Variants in OVCH2 observed in about 807,000 individuals in gnomAD.
OVCH2 encodes the protein ovochymase-2.
Under a neutral mutation model 73.7 loss-of-function variants are expected in OVCH2, and 88 were observed. The ratio of observed to expected loss-of-function variants is 1.19; its 90% CI spans 1.01 to 1.43. The LOEUF is 1.43. OVCH2 is among the 40% of genes most tolerant of loss of function. OVCH2 has a pLI of 0.00. For missense variants in OVCH2, 706 were observed against 674.5 expected, an observed-to-expected ratio of 1.05 and a Z score of -0.52; for synonymous variants, 265 against 234.5, an observed-to-expected ratio of 1.13 and a Z score of -1.19.
At chr11:7,685,262 G>A (rs140373282), downstream of OVCH2, among the ~76,000 whole-genome samples, 3 of 152,248 alleles carry the variant, frequency 2.0e-5, no homozygotes, top group Non-Finnish European at 2.9e-5. Context: ...AAACCACACC[G>A]CCTATGGGAG....
At chr11:7,692,959 C>CT (rs1289124840) in intron 12 of OVCH2, among the ~76,000 whole-genome samples, 1 of 152,142 alleles carries the variant, frequency 6.6e-6, no homozygotes. Context: ...TAGGCATTTA[C>CT]TTTTTTTCTT....
intron 10 of OVCH2, among the ~76,000 whole-genome samples, chr11:7,696,101 C>T (rs905927122): frequency 1.3e-5 from 2 of 152,166 alleles, no homozygotes; most frequent in Non-Finnish European, 2.9e-5. Flanking sequence ...TTTGTATTTT[C>T]CTTCTTAGCT....
At chr11:7,702,949 T>C (rs1856471392) in intron 3 of OVCH2, among the ~76,000 whole-genome samples, 2 of 152,196 alleles carry the variant, frequency 1.3e-5, no homozygotes, top group Admixed American at 6.5e-5. Flanking sequence ...CTTGGCCAAA[T>C]TAGGTACCTA....
chr11:7,700,436 G>C lies in OVCH2; in HGVS notation c.761C>G (p.Thr254Ser), dbSNP rs765298685. Residue 254 changes from threonine to serine, a missense_variant, in exon 7 of 16, where the codon ACT becomes AGT. Coordinates refer to ENST00000533663, the MANE Select transcript of OVCH2 (RefSeq NM_198185.7). ...ACCCCAGGAAGTCACACCAGCCAGA[G>C]TCCAGGCCCCTTTCTTATTCCGGCA... Reference protein sequence around the residue: ...LMCRNKKGAWTLAGVTSWGLG... With the variant: ...LMCRNKKGAWSLAGVTSWGLG... The C allele has an allele frequency of 1.9e-6, 3 of 1,611,722 alleles. No individual in the cohort carries two copies. The highest frequency in any genetic ancestry group is 1.7e-6 in the Non-Finnish European group (2 of 1,178,996).
chr11:7,701,905 A>T, intron 4 of OVCH2, 94 bp from the exon 5 acceptor site: 1 of 1,089,294 alleles, frequency 9.2e-7, no homozygotes, highest in South Asian at 1.4e-5. Context: ...TCCCCTAAAG[A>T]CCTCATGAGA....
rs377334567 is a variant in OVCH2 at position 7,700,269 on chromosome 11, C to G, written c.901+27G>C. The G allele has an allele frequency of 3.4e-5, 55 of 1,609,516 alleles. No individual in the cohort carries two copies. In the East Asian group the frequency reaches 8.0e-4, roughly 24 times the overall value. ...TCTGGCCCTAGCAGAATGGCAGCTT[C>G]TTAACCTTGTGTGATGGCTTAGTTA... On this transcript the variant is annotated intron_variant, in intron 7 of 15. Transcript: ENST00000533663.
At chr11:7,693,796 G>C (rs11041536) in intron 12 of OVCH2, among the ~76,000 whole-genome samples, 40,932 of 151,948 alleles carry the variant, frequency 0.27, 5,731 homozygotes, top group Middle Eastern at 0.36. Flanking sequence ...CTGACTTCAC[G>C]TGATATTTCA....
At chr11:7,685,912 C>G (rs563397775), downstream of OVCH2, among the ~76,000 whole-genome samples, 3 of 152,232 alleles carry the variant, frequency 2.0e-5, no homozygotes, top group African/African-American at 4.8e-5. Context: ...AGGTATCTTG[C>G]TGGATTCTAG....
At chr11:7,684,072 C>T in the OVCH2 span, among the ~76,000 whole-genome samples, 1 of 151,102 alleles carries the variant, frequency 6.6e-6, no homozygotes, top group Non-Finnish European at 1.5e-5. Flanking sequence ...TATCTGCTTC[C>T]CCATCCCCAC....
chr11:7,686,634 A>T (rs1856144387), downstream of OVCH2, among the ~76,000 whole-genome samples: 1 of 152,224 alleles, frequency 6.6e-6, no homozygotes, highest in Non-Finnish European at 1.5e-5. Flanking sequence ...ATCCCAATCT[A>T]TAAAGAATCT....
the OVCH2 span, among the ~76,000 whole-genome samples, chr11:7,683,933 A>G: frequency 5.3e-5 from 8 of 151,746 alleles, no homozygotes; most frequent in African/African-American, 1.7e-4. Context: ...TACCCTGCTC[A>G]CCAGCATTCA....
chr11:7,684,417 T>C, the OVCH2 span, among the ~76,000 whole-genome samples: 6 of 151,698 alleles, frequency 4.0e-5, no homozygotes, highest in East Asian at 9.7e-4. Context: ...ACCTGGACCC[T>C]GAAAAGCACC....
chr11:7,696,593 T>C lies in OVCH2; in HGVS notation c.1017-4A>G, dbSNP rs1856338830. 6.2e-7 allele frequency: 1 copy of C among 1,614,024 alleles called. No homozygotes were observed. The highest frequency in any genetic ancestry group is 8.5e-7 in the Non-Finnish European group (1 of 1,179,884). On this transcript the variant is annotated splice_region_variant and splice_polypyrimidine_tract_variant and intron_variant, in intron 9 of 15. Transcript: ENST00000533663. ...CAGCAGGGTCCAGACACACCGTCTGTAGGCAGATCATGGAGAGGGCGTTAT... is the reference window on the plus strand; with the variant it reads ...CAGCAGGGTCCAGACACACCGTCTGCAGGCAGATCATGGAGAGGGCGTTAT...
intron 8 of OVCH2, 172 bp from the exon 9 acceptor site, chr11:7,696,971 G>T (rs1856348951): frequency 1.6e-6 from 1 of 614,490 alleles, no homozygotes; most frequent in African/African-American, 1.8e-5. Flanking sequence ...GTTCCTTTTA[G>T]ATCCTGCTTA....
At chr11:7,701,497 G>A (rs1856436647) in intron 5 of OVCH2, 22 bp from the exon 6 acceptor site, 2 of 1,601,578 alleles carry the variant, frequency 1.2e-6, no homozygotes, top group Non-Finnish European at 1.7e-6. Flanking sequence ...AGAGATGGAA[G>A]CCCCAGCAGG....
At chr11:7,698,691 T>G in intron 8 of OVCH2, 59 bp downstream of exon 8, 5 of 1,561,298 alleles carry the variant, frequency 3.2e-6, no homozygotes, top group African/African-American at 1.4e-5. Flanking sequence ...GAACTGATAT[T>G]CAGAAATGCT....
At chr11:7,685,518 C>T (rs1476757876), downstream of OVCH2, among the ~76,000 whole-genome samples, 3 of 152,124 alleles carry the variant, frequency 2.0e-5, no homozygotes, top group Admixed American at 2.0e-4. Flanking sequence ...GATACATCCA[C>T]CAAACATATT....
the OVCH2 span, among the ~76,000 whole-genome samples, chr11:7,682,041 CAA>C: frequency 0.16 from 24,351 of 152,024 alleles, 2,031 homozygotes; most frequent in Middle Eastern, 0.18. Flanking sequence ...AAAAGCAAAA[CAA>C]GTGAAAATAG....
the OVCH2 span, among the ~76,000 whole-genome samples, chr11:7,679,333 G>C: frequency 6.6e-6 from 1 of 152,184 alleles, no homozygotes; most frequent in Non-Finnish European, 1.5e-5. Context: ...CTCCTGATGG[G>C]TGCTGGTTGC....
Sources: allele counts gnomAD v4.1 joint callset (sites outside exome capture counted in the v4.1 genomes callset), GRCh38; gene constraint gnomAD v4.1.1; transcripts MANE v1.5; gene names NCBI Gene and HGNC (gene_info 2026-07-23, HGNC 2026-07-21).